The following PCDHA10 variants were observed in gnomAD, a reference collection of about 807,000 sequenced individuals.
The protein encoded by PCDHA10 is protocadherin alpha 10.
In PCDHA10, 45 loss-of-function variants were observed where a neutral mutation model predicts 61.2. The ratio of observed to expected loss-of-function variants is 0.74; its 90% CI spans 0.58 to 0.94. The LOEUF (loss-of-function observed/expected upper bound fraction) is 0.94. Ranked by LOEUF, PCDHA10 falls within the 40% of genes least tolerant of loss-of-function variation. The pLI is 0.00. For missense variants in PCDHA10, 1,278 were observed against 1,236.2 expected (o/e 1.03, Z -0.51); for synonymous variants, 602 against 548.8 (o/e 1.10, Z -1.35).
chr5:141,011,122 A>G lies in PCDHA10; in HGVS notation c.*1185A>G, dbSNP rs1554263297. On this transcript the variant is annotated 3_prime_UTR_variant, in exon 4 of 4. Transcript: ENST00000307360. ...TCTCTCTCTTTTCTAAGAAACAATT[A>G]TGTGCACTTTGATACACAACCTTCT... 1 of 153,686 alleles carries G rather than the reference A, an allele frequency of 6.5e-6. No homozygotes were observed. Among genetic ancestry groups the G allele is most frequent in the Non-Finnish European group, 1.5e-5 (1 of 68,034 alleles). 9.5% of individuals were successfully genotyped at this position (153,686 alleles called of 1,614,324 possible).
At chr5:140,922,190 T>C (rs1486044845) in intron 1 of PCDHA10, among the ~76,000 whole-genome samples, 2 of 152,154 alleles carry the variant, frequency 1.3e-5, no homozygotes, top group African/African-American at 4.8e-5. Flanking sequence ...AAAAAAGTCT[T>C]ATCTTTAATG....
chr5:140,951,779 CA>C (rs1402940575), intron 1 of PCDHA10, among the ~76,000 whole-genome samples: 1 of 152,142 alleles, frequency 6.6e-6, no homozygotes, highest in East Asian at 1.9e-4. Flanking sequence ...TCTTACATTG[CA>C]AAATACAATT....
In PCDHA10 at chr5:140,883,730, G is replaced by A. The variant is rs140457638; in HGVS notation, c.2388+25294G>A. On this transcript the variant is annotated intron_variant, in intron 1 of 3. Transcript: ENST00000307360. ...TCAGGACGCGGACGCACAGGAGAAC[G>A]CGCTGGTCTCCTACTCGCTGGTGGA... The A allele has an allele frequency of 3.7e-6, 6 of 1,613,412 alleles. No individual in the cohort carries two copies. In the African/African-American group the frequency reaches 6.7e-5, roughly 18 times the overall value.
chr5:140,883,369 C>A (rs781885590), intron 1 of PCDHA10: 4 of 1,614,064 alleles, frequency 2.5e-6, no homozygotes, highest in Non-Finnish European at 1.7e-6. Context: ...AGCCTAGCGC[C>A]ATTATTGCCC....
chr5:140,916,582 A>G (rs1191941149), intron 1 of PCDHA10, among the ~76,000 whole-genome samples: 7 of 152,188 alleles, frequency 4.6e-5, no homozygotes, highest in Non-Finnish European at 1.0e-4. Flanking sequence ...AATGTCATCC[A>G]TGAGCTAGGG....
intron 3 of PCDHA10, among the ~76,000 whole-genome samples, chr5:140,994,104 T>C (rs1356172498): frequency 6.6e-6 from 1 of 152,210 alleles, no homozygotes; most frequent in Non-Finnish European, 1.5e-5. Context: ...ATGGAAATAT[T>C]ACATTGTCAT....
In PCDHA10 at chr5:140,862,942, G is replaced by A. The variant is rs75462656; in HGVS notation, c.2388+4506G>A. 1.6e-3 allele frequency: 859 copies of A among 542,058 alleles called. 16 individuals carry two copies. In the East Asian group the frequency reaches 0.034, roughly 22 times the overall value. The allele number at this position is 542,058 out of a possible 1,614,324, so 33.6% of individuals were successfully genotyped here. ...GGTGGGCTGGCGGCGCTGTGAGTGA[G>A]CTGGTGCGGTATTCAGTGGATGCAG... On this transcript the variant is annotated intron_variant, in intron 1 of 3. Transcript: ENST00000307360.
At chr5:140,900,807 A>G (rs868976984) in intron 1 of PCDHA10, among the ~76,000 whole-genome samples, 1 of 152,176 alleles carries the variant, frequency 6.6e-6, no homozygotes, top group South Asian at 2.1e-4. Flanking sequence ...TAGTGCTTGT[A>G]CTAATTTACA....
intron 1 of PCDHA10, chr5:140,883,794 C>A (rs781822448): frequency 6.2e-7 from 1 of 1,612,476 alleles, no homozygotes; most frequent in Non-Finnish European, 8.5e-7. Flanking sequence ...AGCTACGTGT[C>A]GGTGCACGCG....
chr5:140,965,690 T>G (rs1203632136), intron 1 of PCDHA10, among the ~76,000 whole-genome samples: 2 of 152,172 alleles, frequency 1.3e-5, no homozygotes, highest in Admixed American at 1.3e-4. Context: ...TGAAGCAAGA[T>G]TAGAAAAAGC....
chr5:140,859,508 T>G (rs1298997050), intron 1 of PCDHA10: 1 of 197,594 alleles, frequency 5.1e-6, no homozygotes, highest in Non-Finnish European at 1.0e-5. Context: ...CTGATACCCA[T>G]GATTTCATTT....
At chr5:140,967,091 G>A (rs782261207) in intron 1 of PCDHA10, 1 of 1,613,196 alleles carries the variant, frequency 6.2e-7, no homozygotes. Context: ...TGATCGGGAG[G>A]CGCTGTGTGA....
At chr5:140,926,864 T>C in intron 1 of PCDHA10, 1 of 1,522,480 alleles carries the variant, frequency 6.6e-7, no homozygotes, top group South Asian at 1.3e-5. Flanking sequence ...GTGTAGCGTG[T>C]TGGTGGAACG....
chr5:140,968,257 T>C (rs781932747), intron 1 of PCDHA10: 2 of 1,613,946 alleles, frequency 1.2e-6, no homozygotes, highest in East Asian at 2.2e-5. Context: ...CAGACCCAGA[T>C]GAAAAGGAGA....
chr5:140,871,364 G>A lies in PCDHA10; in HGVS notation c.2388+12928G>A, dbSNP rs113722940. ...AGCTGGTCATACTCGCAGCAGAGGC[G>A]GCAGAGGGTGTGCTCTGAGGAGGGC... On this transcript the variant is annotated intron_variant, in intron 1 of 3. Transcript: ENST00000307360. The A allele has an allele frequency of 2.5e-5, 40 of 1,614,220 alleles. 1 individual carries two copies. The highest frequency in any genetic ancestry group is 2.0e-4 in the African/African-American group (15 of 75,074).
rs142949338 is a variant in PCDHA10 at position 140,927,554 on chromosome 5, T to G, written c.2389-51395T>G. On this transcript the variant is annotated intron_variant, in intron 1 of 3. Coordinates refer to ENST00000307360, the MANE Select transcript of PCDHA10 (RefSeq NM_018901.4). ...CGCTCAGGAGACGCACAAGTCACCA[T>G]CATTGTGGTGGACACAAATGACAAC... The G allele has an allele frequency of 5.6e-6, 9 of 1,614,020 alleles. No individual in the cohort carries two copies. The African/African-American group carries it at 1.1e-4, about 19-fold the overall frequency.
In PCDHA10 at chr5:140,857,896, T is replaced by C; in HGVS notation, c.1848T>C (p.Gly616=). 1 of 1,597,704 alleles carries C rather than the reference T, an allele frequency of 6.3e-7. No homozygotes were observed. The highest frequency in any genetic ancestry group is 8.6e-7 in the Non-Finnish European group (1 of 1,167,490). Residue 616 remains glycine, a synonymous_variant, in exon 1 of 4, where the codon GGT becomes GGC. Transcript: ENST00000307360. ...ATGAATTGCAGTCGGCGGCGGTTGG[T>C]GCACGCATCCCGTTTCGCGTGGGGC... The part of the protein sequence containing the change: ...LSYELQSAAV[G]ARIPFRVGLY...
chr5:140,869,504 C>A (rs959374162), intron 1 of PCDHA10: 5 of 1,614,200 alleles, frequency 3.1e-6, no homozygotes, highest in Non-Finnish European at 4.2e-6. Flanking sequence ...CCGGTGTTCT[C>A]GCTCAGAGAA....
At chr5:140,908,704 C>T (rs1241248582) in intron 1 of PCDHA10, among the ~76,000 whole-genome samples, 12 of 152,178 alleles carry the variant, frequency 7.9e-5, no homozygotes, top group African/African-American at 2.9e-4. Context: ...CCTCAAGCAC[C>T]ATTGGATCTG....
Sources: gnomAD v4.1 joint callset for allele counts (sites outside exome capture counted in the v4.1 genomes callset) on GRCh38, gnomAD v4.1.1 for gene constraint, MANE v1.5 for transcripts, NCBI Gene and HGNC (gene_info 2026-07-23, HGNC 2026-07-21) for gene names.